Variants in TMEM132D observed in about 807,000 individuals in gnomAD.
TMEM132D encodes the protein mature OL transmembrane protein.
A neutral mutation model predicts 62.3 loss-of-function variants in TMEM132D; 21 were observed. The ratio of observed to expected loss-of-function variants is 0.34; its 90% CI spans 0.24 to 0.49. The LOEUF (loss-of-function observed/expected upper bound fraction) is 0.49, where lower values mean the gene tolerates loss of function less well. TMEM132D is among the 20% of genes least tolerant of loss of function. The pLI, the probability that TMEM132D is intolerant of heterozygous loss-of-function variation, is 0.99. For missense variants in TMEM132D, 1,346 were observed against 1,402.8 expected, an observed-to-expected ratio of 0.96 and a Z score of 0.65; for synonymous variants, 621 against 575.6, an observed-to-expected ratio of 1.08 and a Z score of -1.13.
intron 4 of TMEM132D, among the ~76,000 whole-genome samples, chr12:129,239,708 T>C (rs1311801354): frequency 6.6e-6 from 1 of 152,218 alleles, no homozygotes; most frequent in East Asian, 1.9e-4. Context: ...CAAAGATTGC[T>C]GGCAACCACT....
At position 129,700,176 on chromosome 12, in the gene TMEM132D, C is replaced by A. The variant is rs567417287; in HGVS notation, c.602G>T (p.Ser201Ile). 8 of 1,612,976 alleles carry A rather than the reference C, an allele frequency of 5.0e-6. No individual in the cohort carries two copies. In the African/African-American group the frequency reaches 6.7e-5, roughly 13 times the overall value. The change falls in exon 2 of 9, where the codon AGC becomes ATC. Residue 201 changes from serine (S) to isoleucine (I), a missense_variant. Ser to Ile is a moderately radical substitution (Grantham distance 142, BLOSUM62 -2). Transcript: ENST00000422113. The part of the protein sequence containing the change: ...LCVAELELLS[S>I]WFSPPTVVAG... The stretch of plus-strand genomic sequence containing the variant: ...AACCACCGTGGGGGGGCTGAACCAG[C>A]TGGACAGGAGCTCCAGCTCGGCCAC...
intron 3 of TMEM132D, among the ~76,000 whole-genome samples, chr12:129,464,563 T>G (rs1873816999): frequency 1.3e-5 from 2 of 152,212 alleles, no homozygotes; most frequent in Non-Finnish European, 2.9e-5. Flanking sequence ...ATGTCCTGAA[T>G]AGTAATGCCT....
chr12:129,335,493 C>T (rs1287012834), intron 4 of TMEM132D, among the ~76,000 whole-genome samples: 2 of 152,166 alleles, frequency 1.3e-5, no homozygotes, highest in Non-Finnish European at 2.9e-5. Flanking sequence ...GGTATTATCC[C>T]TGTAACTCCC....
chr12:129,231,584 A>AT (rs1282616732), intron 4 of TMEM132D, among the ~76,000 whole-genome samples: 4 of 152,074 alleles, frequency 2.6e-5, no homozygotes, highest in Non-Finnish European at 5.9e-5. Flanking sequence ...CATCATTATT[A>AT]TTTTTTATTT....
chr12:129,230,332 A>C, intron 4 of TMEM132D, among the ~76,000 whole-genome samples: 3 of 151,012 alleles, frequency 2.0e-5, no homozygotes, highest in Non-Finnish European at 2.9e-5. Context: ...CAGCCTGGCC[A>C]TCCCCTTCCT....
At chr12:129,656,899 ATGGAGACC>A (rs1168703397) in intron 2 of TMEM132D, among the ~76,000 whole-genome samples, 2 of 152,192 alleles carry the variant, frequency 1.3e-5, no homozygotes, top group African/African-American at 4.8e-5. Flanking sequence ...TCACTGTCTG[ATGGAGACC>A]TGTGCTCCTA....
chr12:129,671,593 G>C (rs1250571302), intron 2 of TMEM132D, among the ~76,000 whole-genome samples: 2 of 152,130 alleles, frequency 1.3e-5, no homozygotes, highest in Non-Finnish European at 2.9e-5. Flanking sequence ...GAAAAGATAA[G>C]ATGAGGAGGG....
At chr12:129,556,752 T>C (rs1877071225) in intron 2 of TMEM132D, among the ~76,000 whole-genome samples, 1 of 152,176 alleles carries the variant, frequency 6.6e-6, no homozygotes, top group African/African-American at 2.4e-5. Context: ...ATGAAGTAAA[T>C]TCAGCTCCTC....
rs1394018863 is a variant in TMEM132D, at chr12:129,147,245, T to TGC, written c.1443+62274_1443+62275insGC. On this transcript the variant is annotated intron_variant, in intron 5 of 8. Coordinates refer to ENST00000422113, the MANE Select transcript of TMEM132D (RefSeq NM_133448.3). Reference sequence around the variant, plus strand: ...ACATGTGTATGTATATATACATATGTTTATGTATATATACATATGTGCATA... The same window carrying TGC: ...ACATGTGTATGTATATATACATATGTGCTTATGTATATATACATATGTGCATA... Among the ~76,000 whole-genome samples the TGC allele has an allele frequency of 1.9e-4, 18 of 95,096 alleles. No individual in the cohort carries two copies. In the East Asian group the frequency reaches 2.8e-3, roughly 15 times the overall value. 62.4% of individuals were successfully genotyped at this position (95,096 alleles called of 152,430 possible). A position where few individuals can be genotyped will look rare whatever the true frequency, so the allele number is the denominator to read the frequency against.
intron 2 of TMEM132D, among the ~76,000 whole-genome samples, chr12:129,588,050 T>C (rs911900562): frequency 6.6e-6 from 1 of 152,212 alleles, no homozygotes; most frequent in Non-Finnish European, 1.5e-5. Context: ...CCTTGGCTGG[T>C]GGCCCCATAT....
chr12:129,147,586 C>T (rs1474201497), intron 5 of TMEM132D, among the ~76,000 whole-genome samples: 1 of 152,082 alleles, frequency 6.6e-6, no homozygotes, highest in Non-Finnish European at 1.5e-5. Context: ...TTTCTCCCTC[C>T]AGTACAAGAC....
chr12:129,841,488 T>C (rs566905445), intron 1 of TMEM132D, among the ~76,000 whole-genome samples: 4 of 152,310 alleles, frequency 2.6e-5, no homozygotes, highest in Admixed American at 2.0e-4. Context: ...CTCAAAGCCA[T>C]GAACTTCTGC....
intron 3 of TMEM132D, among the ~76,000 whole-genome samples, chr12:129,458,398 G>GTTTTTTTTTTTTT (rs66630267): frequency 6.8e-6 from 1 of 146,582 alleles, no homozygotes. Context: ...GTGGGCAGAG[G>GTTTTTTTTTTTTT]TTTTTTTTTT....
At chr12:129,563,667 A>G (rs1877296973) in intron 2 of TMEM132D, among the ~76,000 whole-genome samples, 1 of 152,114 alleles carries the variant, frequency 6.6e-6, no homozygotes, top group South Asian at 2.1e-4. Flanking sequence ...TAGATTCAGG[A>G]CCCTGAGGGA....
intron 1 of TMEM132D, among the ~76,000 whole-genome samples, chr12:129,798,068 C>G (rs889356660): frequency 2.6e-5 from 4 of 152,184 alleles, no homozygotes; most frequent in Admixed American, 1.3e-4. Flanking sequence ...CTCCTCCTCT[C>G]TCTCTCGATT....
At chr12:129,502,341 T>C (rs1041955998) in intron 3 of TMEM132D, among the ~76,000 whole-genome samples, 5 of 152,182 alleles carry the variant, frequency 3.3e-5, no homozygotes, top group African/African-American at 1.2e-4. Flanking sequence ...ATTGCTACCA[T>C]CAAGGTTGAA....
intron 4 of TMEM132D, among the ~76,000 whole-genome samples, chr12:129,227,348 G>A (rs916537541): frequency 3.5e-5 from 4 of 113,712 alleles, no homozygotes; most frequent in African/African-American, 9.1e-5. Context: ...GAGTTTTTCC[G>A]AAGACACTTG....
chr12:129,693,233 G>T (rs1753906226), intron 2 of TMEM132D, among the ~76,000 whole-genome samples: 2 of 152,142 alleles, frequency 1.3e-5, no homozygotes, highest in African/African-American at 4.8e-5. Flanking sequence ...GGAGCCAAAT[G>T]AAAGAGCTCT....
At chr12:129,551,628 A>C (rs756499471) in intron 2 of TMEM132D, among the ~76,000 whole-genome samples, 2 of 152,108 alleles carry the variant, frequency 1.3e-5, no homozygotes, top group Non-Finnish European at 2.9e-5. Context: ...GCCACCTTTA[A>C]ACAGTGCCTG....
Sources: gnomAD v4.1 joint callset for allele counts (sites outside exome capture counted in the v4.1 genomes callset) on GRCh38, gnomAD v4.1.1 for gene constraint, MANE v1.5 for transcripts, NCBI Gene and HGNC (gene_info 2026-07-23, HGNC 2026-07-21) for gene names.